Variants in PDE6B observed in about 807,000 individuals in gnomAD.
The protein encoded by PDE6B is rod cGMP-specific 3',5'-cyclic phosphodiesterase subunit beta.
In PDE6B, 106 loss-of-function variants were observed where a neutral mutation model predicts 109.0. That is an observed-to-expected ratio of 0.97 (90% confidence interval 0.83 to 1.14). The LOEUF is 1.14. PDE6B is among the 50% of genes most tolerant of loss of function. The pLI is 0.00. For missense variants in PDE6B, 1,193 were observed against 1,155.6 expected, an observed-to-expected ratio of 1.03 and a Z score of -0.47; for synonymous variants, 490 against 471.3, an observed-to-expected ratio of 1.04 and a Z score of -0.51.
chr4:647,021 G>A (rs1436081259), intron 3 of PDE6B, among the ~76,000 whole-genome samples: 3 of 151,900 alleles, frequency 2.0e-5, no homozygotes, highest in South Asian at 2.1e-4. Flanking sequence ...CCGCGGCCCG[G>A]CTAATTTTTG....
rs1734200043 is a variant in PDE6B at position 628,001 on chromosome 4, C to G, written c.468+1907C>G. ...CCCCACCCCCAGTGCCATGGCCGCACCTGCCCCAGGACTGACCTCCGAGGC... is the reference window on the plus strand; with the variant it reads ...CCCCACCCCCAGTGCCATGGCCGCAGCTGCCCCAGGACTGACCTCCGAGGC... On this transcript the variant is annotated intron_variant, in intron 1 of 21. Transcript: ENST00000496514. Among the ~76,000 whole-genome samples, 3 of 152,140 alleles carry G rather than the reference C, an allele frequency of 2.0e-5. No individual in the cohort carries two copies. In the South Asian group the frequency reaches 6.2e-4, roughly 32 times the overall value.
At position 626,376 on chromosome 4, in the gene PDE6B, C is replaced by T. The variant is rs919706496; in HGVS notation, c.468+282C>T. 1.3e-5 allele frequency among the ~76,000 whole-genome samples: 2 copies of T among 152,314 alleles called. No individual in the cohort carries two copies. Among genetic ancestry groups the T allele is most frequent in the African/African-American group, 4.8e-5 (2 of 41,558 alleles). On this transcript the variant is annotated intron_variant, in intron 1 of 21. Transcript: ENST00000496514. This position sits in a 1 kb window ranked among gnomAD's most constrained non-coding sequence, Gnocchi z 4.6. ...CGGCTGAAGCAGACTCAGGCTCAAA[C>T]CGGGGTGCCCCTGATTCTGCATCCA... is the stretch of plus-strand genomic sequence containing the variant.
chr4:663,639 G>C lies in PDE6B; in HGVS notation c.1921-131G>C. 1.4e-6 allele frequency: 1 copy of C among 719,942 alleles called. No individual in the cohort carries two copies. Among genetic ancestry groups the C allele is most frequent in the Non-Finnish European group, 2.5e-6 (1 of 393,570 alleles). 44.6% of individuals were successfully genotyped at this position (719,942 alleles called of 1,614,324 possible). A position where few individuals can be genotyped will look rare whatever the true frequency, so the allele number is the denominator to read the frequency against. ...GGCCCTGAGCAGCAGGCGGATTAGG[G>C]GTCCCGCCCACCGAGGGCCCGAGGG... On this transcript the variant is annotated intron_variant, in intron 15 of 21. Coordinates refer to ENST00000496514, the MANE Select transcript of PDE6B (RefSeq NM_000283.4). This position sits in a 1 kb window ranked among gnomAD's most constrained non-coding sequence, Gnocchi z 4.0.
intron 21 of PDE6B, 133 bp downstream of exon 21, chr4:668,139 C>T: frequency 2.2e-6 from 2 of 893,184 alleles, no homozygotes; most frequent in Non-Finnish European, 3.4e-6. Context: ...GTGGACAGGG[C>T]CACAGTGCAG....
intron 11 of PDE6B, 107 bp from the exon 12 acceptor site, chr4:660,360 G>A: frequency 9.0e-7 from 1 of 1,111,210 alleles, no homozygotes; most frequent in Non-Finnish European, 1.4e-6. Context: ...CCTCAGAGAT[G>A]CCTGAGGTGT....
rs1734516016 is a variant in PDE6B, at chr4:633,994, A to C, written c.469-683A>C. On this transcript the variant is annotated intron_variant, in intron 1 of 21. Coordinates refer to ENST00000496514, the MANE Select transcript of PDE6B (RefSeq NM_000283.4). The surrounding 1 kb of genome is among the most constrained non-coding windows in gnomAD (Gnocchi z 4.5). ...CTCTAAATCTGGTGGGAGTGAGGGT[A>C]GGAGTGAGGGTGGGTGGGTACCCCC... Among the ~76,000 whole-genome samples the C allele has an allele frequency of 7.0e-6, 1 of 143,006 alleles. No homozygotes were observed. 93.8% of individuals were successfully genotyped at this position (143,006 alleles called of 152,430 possible).
At chr4:637,361 C>G (rs1164569847) in intron 3 of PDE6B, among the ~76,000 whole-genome samples, 1 of 152,166 alleles carries the variant, frequency 6.6e-6, no homozygotes, top group East Asian at 1.9e-4. Flanking sequence ...GCTGGGATCA[C>G]AGACATGTGC....
At chr4:653,675 A>C in intron 3 of PDE6B, 177 bp from the exon 4 acceptor site, 1 of 736,632 alleles carries the variant, frequency 1.4e-6, no homozygotes, top group Non-Finnish European at 2.3e-6. Flanking sequence ...CCACAAGCTC[A>C]GATGAAACCT....
intron 1 of PDE6B, among the ~76,000 whole-genome samples, chr4:631,189 CAA>C (rs1015772562): frequency 1.3e-5 from 2 of 152,216 alleles, no homozygotes; most frequent in Non-Finnish European, 2.9e-5. Context: ...GGGTAGGCCA[CAA>C]GAGAGAGGCA....
Position 648,600 on chromosome 4 carries a change from C to T in PDE6B, c.712-5252C>T, listed in dbSNP as rs35214302. ...CCCAGGCACCCTCCAGCTGGAGGCCCCTGCCATTCCCTTTCTGAAAAGCCT... is the reference window on the plus strand; with the variant it reads ...CCCAGGCACCCTCCAGCTGGAGGCCTCTGCCATTCCCTTTCTGAAAAGCCT... On this transcript the variant is annotated intron_variant, in intron 3 of 21. Coordinates refer to ENST00000496514, the MANE Select transcript of PDE6B (RefSeq NM_000283.4). The surrounding 1 kb of genome is among the most constrained non-coding windows in gnomAD (Gnocchi z 4.5). Among the ~76,000 whole-genome samples, 45,820 of 152,126 alleles carry T rather than the reference C, an allele frequency of 0.3. 8,560 individuals carry two copies. Among genetic ancestry groups the T allele is most frequent in the South Asian group, 0.46 (2,207 of 4,828 alleles).
intron 1 of PDE6B, among the ~76,000 whole-genome samples, chr4:630,552 G>GGAGGGCA (rs1246457043): frequency 6.6e-6 from 1 of 152,208 alleles, no homozygotes; most frequent in African/African-American, 2.4e-5. Flanking sequence ...GGGAAGCTGA[G>GGAGGGCA]GAGGGCAGAG....
chr4:656,861 A>ACCGCTC lies in PDE6B; in HGVS notation c.1108-8_1108-3dup. 6.2e-7 allele frequency: 1 copy of ACCGCTC among 1,612,358 alleles called. No homozygotes were observed. The highest frequency in any genetic ancestry group is 2.2e-5 in the East Asian group (1 of 44,856). On this transcript the variant is annotated splice_polypyrimidine_tract_variant and intron_variant, in intron 8 of 21. Coordinates refer to ENST00000496514, the MANE Select transcript of PDE6B (RefSeq NM_000283.4). ...CTCAGGGCGGAGCTCAGCTCTGGAC[A>ACCGCTC]CCGCTCCCGCAGGAAGGGGCCCTGG...
Position 625,930 on chromosome 4 carries a change from G to C in PDE6B, c.304G>C (p.Gly102Arg). Residue 102 changes from glycine to arginine, a missense_variant, in exon 1 of 22, where the codon GGC becomes CGC. Coordinates refer to ENST00000496514, the MANE Select transcript of PDE6B (RefSeq NM_000283.4). The surrounding 1 kb of genome is among the most constrained non-coding windows in gnomAD (Gnocchi z 5.0). ...CSLFMYRQRN[G>R]VAELATRLFS... is the part of the protein sequence containing the mutation. Reference sequence around the variant, plus strand: ...CCTCTTCATGTACCGCCAGCGCAACGGCGTGGCCGAGCTGGCCACCAGGCT... The same window carrying C: ...CCTCTTCATGTACCGCCAGCGCAACCGCGTGGCCGAGCTGGCCACCAGGCT... 1 of 1,596,014 alleles carries C rather than the reference G, an allele frequency of 6.3e-7. No individual in the cohort carries two copies. Among genetic ancestry groups the C allele is most frequent in the Non-Finnish European group, 8.5e-7 (1 of 1,171,620 alleles).
Position 634,282 on chromosome 4 carries a change from G to A in PDE6B, c.469-395G>A, listed in dbSNP as rs543658654. Among the ~76,000 whole-genome samples, 6 of 152,298 alleles carry A rather than the reference G, an allele frequency of 3.9e-5. No homozygotes were observed. In the South Asian group the frequency reaches 1.2e-3, roughly 32 times the overall value. On this transcript the variant is annotated intron_variant, in intron 1 of 21. Transcript: ENST00000496514. ...TAGGAGTGTCCTGCAGGGGGCTGAA[G>A]GCAGGAGAGGGTGGCGGGCACCAGG...
intron 11 of PDE6B, among the ~76,000 whole-genome samples, chr4:659,539 G>A (rs895260213): frequency 9.4e-5 from 14 of 149,540 alleles, no homozygotes; most frequent in Middle Eastern, 3.4e-3. Flanking sequence ...ACACGTGGGC[G>A]TCTGCACAGG....
chr4:634,888 C>G (rs1019654739), intron 2 of PDE6B, 59 bp downstream of exon 2: 3 of 1,467,964 alleles, frequency 2.0e-6, no homozygotes, highest in Non-Finnish European at 2.9e-6. Flanking sequence ...CCTGCCCGCC[C>G]GCCTGTTCTG....
At chr4:650,206 C>T (rs144565533) in intron 3 of PDE6B, among the ~76,000 whole-genome samples, 230 of 152,334 alleles carry the variant, frequency 1.5e-3, no homozygotes, top group African/African-American at 5.4e-3. Flanking sequence ...GGCCTCCAGC[C>T]ACACCTTGAA....
chr4:661,930 A>T, intron 12 of PDE6B: 1 of 612,610 alleles, frequency 1.6e-6, no homozygotes, highest in Non-Finnish European at 3.0e-6. Flanking sequence ...TCCACCCCAT[A>T]GGTGCCAATG....
intron 12 of PDE6B, chr4:661,318 A>G (rs1737077341): frequency 6.6e-6 from 1 of 152,390 alleles, no homozygotes; most frequent in African/African-American, 2.4e-5. Flanking sequence ...GAAGCATCCC[A>G]TCACCTAAAC....
Sources: allele counts gnomAD v4.1 joint callset (sites outside exome capture counted in the v4.1 genomes callset), GRCh38; gene constraint gnomAD v4.1.1; non-coding constraint Gnocchi (gnomAD v3.1); transcripts MANE v1.5; gene names NCBI Gene and HGNC (gene_info 2026-07-23, HGNC 2026-07-21).